The following KIAA1328 variants were observed in gnomAD, a reference collection of about 807,000 sequenced individuals.
KIAA1328 encodes KIAA1328.
A neutral mutation model predicts 68.1 loss-of-function variants in KIAA1328; 52 were observed. The ratio of observed to expected loss-of-function variants is 0.76; its 90% CI spans 0.61 to 0.96. KIAA1328 has a LOEUF of 0.96. KIAA1328 is among the 40% of genes least tolerant of loss of function. The pLI, the probability that KIAA1328 is intolerant of heterozygous loss-of-function variation, is 0.00. For synonymous variants in KIAA1328, 232 were observed against 239.4 expected (o/e 0.97, Z 0.28); for missense variants, 641 against 677.6 (o/e 0.95, Z 0.60).
intron 9 of KIAA1328, among the ~76,000 whole-genome samples, chr18:37,190,224 G>A (rs144412184): frequency 4.1e-4 from 63 of 152,160 alleles, no homozygotes; most frequent in African/African-American, 1.3e-3. Context: ...TGAATTGTTG[G>A]AATGAGAATG....
intron 9 of KIAA1328, among the ~76,000 whole-genome samples, chr18:37,189,566 A>G (rs1252057661): frequency 6.6e-6 from 1 of 152,232 alleles, no homozygotes; most frequent in East Asian, 1.9e-4. Flanking sequence ...TGTATGGCCT[A>G]TTACAAACTA....
At chr18:36,860,231 A>G (rs2047520090) in intron 4 of KIAA1328, among the ~76,000 whole-genome samples, 1 of 152,142 alleles carries the variant, frequency 6.6e-6, no homozygotes, top group African/African-American at 2.4e-5. Context: ...ATATATGTTT[A>G]AAAGAATACA....
At chr18:36,888,669 A>AAGT (rs2048580239) in intron 5 of KIAA1328, among the ~76,000 whole-genome samples, 1 of 152,196 alleles carries the variant, frequency 6.6e-6, no homozygotes, top group Admixed American at 6.5e-5. Context: ...TTTTTATTCC[A>AAGT]AGTAGATTGC....
intron 6 of KIAA1328, among the ~76,000 whole-genome samples, chr18:36,975,238 A>G (rs4799435): frequency 0.74 from 107,972 of 145,400 alleles, 42,665 homozygotes; most frequent in South Asian, 0.89. Flanking sequence ...TCTGGAGTGC[A>G]GTGGCGGGAT....
intron 6 of KIAA1328, among the ~76,000 whole-genome samples, chr18:37,045,024 A>C (rs1426182401): frequency 6.6e-6 from 1 of 152,158 alleles, no homozygotes; most frequent in Non-Finnish European, 1.5e-5. Flanking sequence ...TTCAGAGAGA[A>C]GAAAGAAATT....
At chr18:37,071,370 G>A (rs950682468) in intron 7 of KIAA1328, among the ~76,000 whole-genome samples, 8 of 151,974 alleles carry the variant, frequency 5.3e-5, no homozygotes, top group African/African-American at 1.9e-4. Context: ...ACCGCACCCG[G>A]CCCAGACACT....
chr18:36,953,961 A>G (rs1419626707), intron 5 of KIAA1328, among the ~76,000 whole-genome samples: 2 of 151,026 alleles, frequency 1.3e-5, no homozygotes, highest in Non-Finnish European at 2.9e-5. Flanking sequence ...GTGCTTTGCA[A>G]AATCTCCCAT....
At chr18:37,060,307 A>G (rs2151705747) in intron 6 of KIAA1328, among the ~76,000 whole-genome samples, 3 of 152,230 alleles carry the variant, frequency 2.0e-5, no homozygotes, top group African/African-American at 7.2e-5. Context: ...TCTCTTTAAC[A>G]CTTATTTTGA....
At chr18:36,985,182 C>A (rs1255015728) in intron 6 of KIAA1328, among the ~76,000 whole-genome samples, 1 of 151,926 alleles carries the variant, frequency 6.6e-6, no homozygotes, top group Non-Finnish European at 1.5e-5. Flanking sequence ...GGCCTTTGGT[C>A]CTAGATACTT....
chr18:37,176,022 A>C (rs2154214528), intron 9 of KIAA1328, among the ~76,000 whole-genome samples: 1 of 152,340 alleles, frequency 6.6e-6, no homozygotes, highest in Admixed American at 6.5e-5. Flanking sequence ...GTTGGTTGTT[A>C]ATTGTTCTCA....
chr18:36,921,961 C>G (rs1346293646), intron 5 of KIAA1328, among the ~76,000 whole-genome samples: 1 of 151,468 alleles, frequency 6.6e-6, no homozygotes, highest in Admixed American at 6.6e-5. Context: ...GAGTCTCGCT[C>G]TTGTCCCCCA....
At chr18:36,936,870 T>C (rs927807701) in intron 5 of KIAA1328, among the ~76,000 whole-genome samples, 5 of 152,190 alleles carry the variant, frequency 3.3e-5, no homozygotes, top group African/African-American at 9.6e-5. Context: ...AAATTTCATA[T>C]GGAATCAAAG....
intron 5 of KIAA1328, among the ~76,000 whole-genome samples, chr18:36,921,518 C>T (rs773723276): frequency 1.3e-5 from 2 of 152,126 alleles, no homozygotes; most frequent in Non-Finnish European, 2.9e-5. Flanking sequence ...ATTCCTCTGC[C>T]TCAGCCTCCC....
At chr18:37,030,729 A>G (rs368506807) in intron 6 of KIAA1328, among the ~76,000 whole-genome samples, 9 of 152,162 alleles carry the variant, frequency 5.9e-5, no homozygotes, top group Admixed American at 5.2e-4. Context: ...CATGTGCACA[A>G]CGTGCAGGTT....
At chr18:37,142,905 C>T (rs2058800408) in intron 7 of KIAA1328, among the ~76,000 whole-genome samples, 1 of 151,184 alleles carries the variant, frequency 6.6e-6, no homozygotes, top group Admixed American at 6.6e-5. Context: ...TTGAGTTTTC[C>T]AGTCCATGAA....
Position 36,829,158 on chromosome 18 carries a change from C to A in KIAA1328, c.20C>A (p.Pro7His), listed in dbSNP as rs1243383004. The part of the protein sequence containing the change: MADVAG[P>H]SRPSAAAFWS... The stretch of plus-strand genomic sequence containing the variant: ...TTCAAGATGGCGGACGTGGCGGGCC[C>A]CTCCCGCCCCAGTGCCGCGGCGTTC... The change falls in exon 1 of 10, where the codon CCC becomes CAC. Residue 7 changes from proline (P) to histidine (H), a missense_variant. By Grantham distance (77) the Pro-to-His change is moderately conservative. Coordinates refer to ENST00000280020, the MANE Select transcript of KIAA1328 (RefSeq NM_020776.3). The A allele has an allele frequency of 1.3e-6, 2 of 1,533,326 alleles. No homozygotes were observed. The highest frequency in any genetic ancestry group is 1.4e-5 in the African/African-American group (1 of 71,058). The allele number at this position is 1,533,326 out of a possible 1,614,324, so 95.0% of individuals were successfully genotyped here. A position where few individuals can be genotyped will look rare whatever the true frequency, so the allele number is the denominator to read the frequency against.
intron 7 of KIAA1328, among the ~76,000 whole-genome samples, chr18:37,137,839 C>T (rs1262096711): frequency 6.6e-6 from 1 of 152,128 alleles, no homozygotes; most frequent in Admixed American, 6.5e-5. Context: ...CAATCTTTAT[C>T]TCAGGTCCCA....
rs142942595 is a variant in KIAA1328 at position 37,094,389 on chromosome 18, T to C, written c.1232+26844T>C. Among the ~76,000 whole-genome samples the C allele has an allele frequency of 1.3e-3, 203 of 152,210 alleles. 1 individual carries two copies. The highest frequency in any genetic ancestry group is 4.7e-3 in the African/African-American group (194 of 41,524). ...AAAAAAACCTGTCAGTCAAGAGTAC[T>C]ATAGCCAGCAAAGTTATCCTTCAAA... is the stretch of plus-strand genomic sequence containing the variant. On this transcript the variant is annotated intron_variant, in intron 7 of 9. Coordinates refer to ENST00000280020, the MANE Select transcript of KIAA1328 (RefSeq NM_020776.3).
At chr18:36,859,855 C>A (rs28635054) in intron 4 of KIAA1328, among the ~76,000 whole-genome samples, 15,167 of 146,974 alleles carry the variant, frequency 0.1, 2,622 homozygotes, top group African/African-American at 0.36. Flanking sequence ...TTTTTTTTTA[C>A]AGGAGTTGAA....
Sources: gnomAD v4.1 joint callset for allele counts (sites outside exome capture counted in the v4.1 genomes callset) on GRCh38, gnomAD v4.1.1 for gene constraint, MANE v1.5 for transcripts, NCBI Gene and HGNC (gene_info 2026-07-23, HGNC 2026-07-21) for gene names.